PAG1: variants seen among roughly 807,000 people sequenced by gnomAD.
PAG1 encodes phosphoprotein membrane anchor with glycosphingolipid microdomains 1.
Under a neutral mutation model 31.7 loss-of-function variants are expected in PAG1, and 23 were observed. The observed-to-expected ratio is 0.73, with a 90% CI of 0.52 to 1.03. PAG1 has a LOEUF of 1.03. Among genes scored for constraint, PAG1 ranks in the 50% least tolerant of loss-of-function variants. PAG1 has a pLI of 0.00. For synonymous variants in PAG1, 214 were observed against 210.3 expected, an observed-to-expected ratio of 1.02 and a Z score of -0.15; for missense variants, 473 against 540.7, an observed-to-expected ratio of 0.87 and a Z score of 1.24.
intron 2 of PAG1, among the ~76,000 whole-genome samples, chr8:81,056,778 C>G (rs142871279): frequency 8.4e-4 from 128 of 152,256 alleles, no homozygotes; most frequent in African/African-American, 3.0e-3. Flanking sequence ...TCACAGTGAA[C>G]AGGCAACCTA....
chr8:80,985,114 A>G lies in PAG1; in HGVS notation c.538T>C (p.Leu180=). The G allele has an allele frequency of 6.2e-7, 1 of 1,614,096 alleles. No individual in the cohort carries two copies. The highest frequency in any genetic ancestry group is 8.5e-7 in the Non-Finnish European group (1 of 1,180,010). Residue 180 remains leucine, a synonymous_variant, in exon 7 of 9, where the codon TTG becomes CTG. Transcript: ENST00000220597. The stretch of plus-strand genomic sequence containing the variant: ...TTGATCTCTTTCACAGTTTCATACA[A>G]GCAGTCCTCCACCATGTTTTCTTGG... ...SSQENMVEDC[L]YETVKEIKEV...
chr8:81,010,497 AT>A (rs1429508033), intron 3 of PAG1, among the ~76,000 whole-genome samples: 2 of 152,378 alleles, frequency 1.3e-5, no homozygotes, highest in African/African-American at 2.4e-5. Flanking sequence ...AACAAGAAAT[AT>A]ATAAAATCTC....
At chr8:81,053,956 C>T (rs780501250) in intron 2 of PAG1, among the ~76,000 whole-genome samples, 1 of 152,202 alleles carries the variant, frequency 6.6e-6, no homozygotes, top group Non-Finnish European at 1.5e-5. Flanking sequence ...CTCACATCTA[C>T]TCACCTCTGA....
At position 80,985,318 on chromosome 8, in the gene PAG1, C is replaced by T. The variant is rs753663028; in HGVS notation, c.334G>A (p.Ala112Thr). The T allele has an allele frequency of 7.4e-6, 12 of 1,614,122 alleles. No homozygotes were observed. The highest frequency in any genetic ancestry group is 1.0e-5 in the Non-Finnish European group (12 of 1,180,002). Residue 112 changes from alanine to threonine, a missense_variant, in exon 7 of 9, where the codon GCC (alanine) becomes ACC (threonine). By Grantham distance (58) the Ala-to-Thr change is moderately conservative (BLOSUM62 0). Transcript: ENST00000220597. ...TCCTGGGAATCCAGCAGATCCGAGGCCGATGTCTGGACTTCCTCGTAATGC... is the reference window on the plus strand; with the variant it reads ...TCCTGGGAATCCAGCAGATCCGAGGTCGATGTCTGGACTTCCTCGTAATGC... ...MQHYEEVQTSASDLLDSQDST... is the reference protein window; with the variant it reads ...MQHYEEVQTSTSDLLDSQDST...
At chr8:81,018,172 A>G (rs1393422630) in intron 3 of PAG1, among the ~76,000 whole-genome samples, 2 of 152,256 alleles carry the variant, frequency 1.3e-5, no homozygotes, top group Non-Finnish European at 2.9e-5. Flanking sequence ...ATAATTAGGT[A>G]TTCAAAACTT....
intron 3 of PAG1, among the ~76,000 whole-genome samples, chr8:81,026,613 T>C (rs1039461160): frequency 2.0e-5 from 3 of 152,088 alleles, no homozygotes; most frequent in South Asian, 2.1e-4. Flanking sequence ...GAGACCCAGC[T>C]GTCACTGGTG....
intron 2 of PAG1, chr8:81,037,100 T>C (rs1187960032): frequency 3.3e-5 from 5 of 152,192 alleles, no homozygotes; most frequent in Non-Finnish European, 7.3e-5. Context: ...ATTATAAGTA[T>C]GACACCGGAA....
At chr8:80,994,019 C>T (rs1224998747) in intron 3 of PAG1, among the ~76,000 whole-genome samples, 1 of 150,806 alleles carries the variant, frequency 6.6e-6, no homozygotes, top group Non-Finnish European at 1.5e-5. Flanking sequence ...TCTTATATAG[C>T]TTTTGCAAAA....
intron 2 of PAG1, among the ~76,000 whole-genome samples, chr8:81,045,957 GT>G (rs370029749): frequency 1.3e-5 from 2 of 152,316 alleles, no homozygotes; most frequent in African/African-American, 4.8e-5. Context: ...AGCATTGGGC[GT>G]GTAACAGCAT....
chr8:80,976,786 A>C lies in PAG1; in HGVS notation c.1057T>G (p.Ser353Ala), dbSNP rs754929433. The change falls in exon 9 of 9, where the codon TCC (serine) becomes GCC (alanine). Residue 353 changes from serine (S) to alanine (A), a missense_variant. Transcript: ENST00000220597. ...SIQGDPQRSP[S>A]SCNDLYATVK... Reference sequence around the variant, plus strand: ...GTAGCATAGAGATCATTACAGGAGGAGGGTGACCTCTGTGGGTCCCCTTGA... The same window carrying C: ...GTAGCATAGAGATCATTACAGGAGGCGGGTGACCTCTGTGGGTCCCCTTGA... 3.0e-5 allele frequency: 49 copies of C among 1,609,934 alleles called. No individual in the cohort carries two copies. The Admixed American group carries it at 3.3e-4, about 11-fold the overall frequency.
intron 1 of PAG1, among the ~76,000 whole-genome samples, chr8:81,096,425 A>T (rs1563429210): frequency 6.6e-6 from 1 of 152,248 alleles, no homozygotes; most frequent in Non-Finnish European, 1.5e-5. Flanking sequence ...AAGGGATTTT[A>T]GAGGCCCATA....
intron 1 of PAG1, among the ~76,000 whole-genome samples, chr8:81,084,918 T>A (rs1046547104): frequency 2.0e-5 from 3 of 152,168 alleles, no homozygotes; most frequent in Non-Finnish European, 2.9e-5. Flanking sequence ...TAAGATGAAG[T>A]CCGTTTTCTT....
At chr8:81,097,251 A>T (rs763765391) in intron 1 of PAG1, among the ~76,000 whole-genome samples, 12 of 152,190 alleles carry the variant, frequency 7.9e-5, no homozygotes, top group Non-Finnish European at 1.6e-4. Flanking sequence ...ATCACAGCCA[A>T]CATGGAGAAC....
intron 3 of PAG1, among the ~76,000 whole-genome samples, chr8:80,996,608 G>A (rs1437217151): frequency 1.3e-5 from 2 of 152,148 alleles, no homozygotes; most frequent in Non-Finnish European, 2.9e-5. Context: ...CCTCCCCTGT[G>A]CATGGGGATG....
In PAG1 at chr8:80,976,849, GC is replaced by G. The variant is rs1388705945; in HGVS notation, c.993del (p.Gln332SerfsTer89). 6.2e-7 allele frequency: 1 copy of G among 1,613,262 alleles called. No individual in the cohort carries two copies. The highest frequency in any genetic ancestry group is 8.5e-7 in the Non-Finnish European group (1 of 1,179,356). ...GTGGACTCCGGAACTGTAAGCGACT[GC>G]CCCGATTTATTCACTAACTGTCCAG... Reference protein sequence around the residue: ...NKPGQLVNKSGQSLTVPESTY... With the variant: ...NKPGQLVNKSXQSLTVPESTY... On this transcript the variant is annotated frameshift_variant, in exon 9 of 9. Coordinates refer to ENST00000220597, the MANE Select transcript of PAG1 (RefSeq NM_018440.4). LOFTEE classifies it low-confidence loss of function (END_TRUNC).
chr8:81,050,225 A>C (rs938797488), intron 2 of PAG1, among the ~76,000 whole-genome samples: 7 of 152,220 alleles, frequency 4.6e-5, no homozygotes, highest in Non-Finnish European at 1.0e-4. Flanking sequence ...TGAGACTGTA[A>C]ATTAAAAATA....
chr8:80,976,766 A>G lies in PAG1; in HGVS notation c.1077T>C (p.Tyr359=), dbSNP rs765496303. The G allele has an allele frequency of 6.2e-7, 1 of 1,614,156 alleles. No homozygotes were observed. The highest frequency in any genetic ancestry group is 8.5e-7 in the Non-Finnish European group (1 of 1,179,986). Residue 359 remains tyrosine, a synonymous_variant, in exon 9 of 9, where the codon TAT becomes TAC. Coordinates refer to ENST00000220597, the MANE Select transcript of PAG1 (RefSeq NM_018440.4). ...QRSPSSCNDL[Y]ATVKDFEKTP... is the part of the protein sequence containing the mutation. Reference sequence around the variant, plus strand: ...TTTTTTCGAAGTCTTTAACAGTAGCATAGAGATCATTACAGGAGGAGGGTG... The same window carrying G: ...TTTTTTCGAAGTCTTTAACAGTAGCGTAGAGATCATTACAGGAGGAGGGTG...
At chr8:81,047,625 C>T (rs1283251022) in intron 2 of PAG1, among the ~76,000 whole-genome samples, 2 of 152,202 alleles carry the variant, frequency 1.3e-5, no homozygotes, top group Non-Finnish European at 2.9e-5. Flanking sequence ...AGGGTCCACT[C>T]AGATGGACAC....
intron 3 of PAG1, 56 bp from the exon 4 acceptor site, chr8:80,993,363 G>T (rs1586150928): frequency 1.1e-6 from 1 of 880,988 alleles, no homozygotes; most frequent in Non-Finnish European, 1.7e-6. Flanking sequence ...GGCAGAATCT[G>T]TAATTCGGTC....
Sources: allele counts gnomAD v4.1 joint callset (sites outside exome capture counted in the v4.1 genomes callset), GRCh38; gene constraint gnomAD v4.1.1; transcripts MANE v1.5; gene names NCBI Gene and HGNC (gene_info 2026-07-23, HGNC 2026-07-21).